The following MBD5 variants were observed in gnomAD, a reference collection of about 807,000 sequenced individuals.
The protein encoded by MBD5 is methyl-CpG binding domain protein 5.
Under a neutral mutation model 117.3 loss-of-function variants are expected in MBD5, and 13 were observed. The observed-to-expected ratio is 0.11, with a 90% CI of 0.07 to 0.18. MBD5 has a LOEUF of 0.18. Ranked by LOEUF, MBD5 falls within the 10% of genes least tolerant of loss-of-function variation. The pLI, the probability that MBD5 is intolerant of heterozygous loss-of-function variation, is 1.00. For missense variants in MBD5, 1,879 were observed against 2,093.8 expected, an observed-to-expected ratio of 0.90 and a Z score of 2.00; for synonymous variants, 727 against 766.4, an observed-to-expected ratio of 0.95 and a Z score of 0.85.
intron 2 of MBD5, among the ~76,000 whole-genome samples, chr2:148,216,865 C>T (rs1388362356): frequency 6.6e-6 from 1 of 152,184 alleles, no homozygotes; most frequent in African/African-American, 2.4e-5. Context: ...CCCAGCTGCA[C>T]ACTGGCACAC....
At chr2:148,382,168 T>A (rs1166574220) in intron 4 of MBD5, among the ~76,000 whole-genome samples, 2 of 109,802 alleles carry the variant, frequency 1.8e-5, no homozygotes, top group African/African-American at 3.3e-5. Flanking sequence ...ACTGGCAAAT[T>A]GGATAGTCAA....
At chr2:148,043,628 A>G (rs975064893) in intron 1 of MBD5, among the ~76,000 whole-genome samples, 2 of 152,266 alleles carry the variant, frequency 1.3e-5, no homozygotes, top group East Asian at 3.9e-4. Flanking sequence ...TTGGCCTAGA[A>G]GCAGGTTTTC....
intron 3 of MBD5, among the ~76,000 whole-genome samples, chr2:148,302,303 C>T (rs149715971): frequency 5.5e-4 from 83 of 152,288 alleles, no homozygotes; most frequent in Non-Finnish European, 9.1e-4. Context: ...TCCAAGTGAT[C>T]ACTGCCTCCA....
At chr2:148,399,017 T>C (rs1215897264) in intron 4 of MBD5, among the ~76,000 whole-genome samples, 2 of 152,232 alleles carry the variant, frequency 1.3e-5, no homozygotes, top group Non-Finnish European at 2.9e-5. Context: ...TCTATATCTC[T>C]GTTTTGGTAC....
chr2:148,162,892 A>C (rs1698042812), intron 1 of MBD5, among the ~76,000 whole-genome samples: 1 of 152,224 alleles, frequency 6.6e-6, no homozygotes, highest in Admixed American at 6.5e-5. Context: ...TAAGATCCTA[A>C]GACAGTAAAA....
intron 8 of MBD5, 62 bp downstream of exon 8, chr2:148,470,523 T>C: frequency 2.3e-6 from 3 of 1,300,156 alleles, no homozygotes; most frequent in South Asian, 2.9e-5. Flanking sequence ...TTTAAAAAAT[T>C]TGTACCAAAA....
chr2:148,448,400 C>T (rs185284824), intron 4 of MBD5, among the ~76,000 whole-genome samples: 56 of 151,940 alleles, frequency 3.7e-4, no homozygotes, highest in African/African-American at 1.2e-3. Flanking sequence ...TATTCAGACA[C>T]AGTGTATTTG....
chr2:148,401,858 T>C (rs1704933256), intron 4 of MBD5, among the ~76,000 whole-genome samples: 1 of 152,144 alleles, frequency 6.6e-6, no homozygotes, highest in Non-Finnish European at 1.5e-5. Flanking sequence ...TCCTCCAATC[T>C]GTTAGAATTC....
At chr2:148,215,544 G>GT (rs528055774) in intron 2 of MBD5, among the ~76,000 whole-genome samples, 7 of 151,490 alleles carry the variant, frequency 4.6e-5, no homozygotes, top group East Asian at 1.9e-4. Flanking sequence ...TGTGGGCGGG[G>GT]TTTTTTTTCG....
intron 1 of MBD5, among the ~76,000 whole-genome samples, chr2:148,066,416 CTAT>C (rs1264043437): frequency 6.6e-6 from 1 of 151,856 alleles, no homozygotes; most frequent in African/African-American, 2.4e-5. Flanking sequence ...TACTTCCTCA[CTAT>C]AGTATTTAGT....
intron 2 of MBD5, among the ~76,000 whole-genome samples, chr2:148,216,677 C>A (rs1699563844): frequency 6.6e-6 from 1 of 152,186 alleles, no homozygotes; most frequent in African/African-American, 2.4e-5. Flanking sequence ...CATTGTTAAT[C>A]TCCTTTTACA....
chr2:148,462,081 A>G (rs1181792792), intron 5 of MBD5, among the ~76,000 whole-genome samples: 1 of 152,200 alleles, frequency 6.6e-6, no homozygotes, highest in Admixed American at 6.6e-5. Context: ...TTACATAGGG[A>G]CAACTTGGTT....
chr2:148,071,567 C>A (rs1241195646), intron 1 of MBD5: 1 of 152,084 alleles, frequency 6.6e-6, no homozygotes, highest in South Asian at 2.1e-4. Flanking sequence ...TACATAAGAT[C>A]TCTCAGTGCT....
chr2:148,362,949 C>T (rs1037418039), intron 4 of MBD5, among the ~76,000 whole-genome samples: 1 of 152,088 alleles, frequency 6.6e-6, no homozygotes, highest in African/African-American at 2.4e-5. Context: ...TCAACATCAA[C>T]AAAAAGGAAA....
At chr2:148,237,723 G>A (rs777482731) in intron 3 of MBD5, among the ~76,000 whole-genome samples, 76 of 152,172 alleles carry the variant, frequency 5.0e-4, no homozygotes, top group Non-Finnish European at 8.2e-4. Flanking sequence ...AAACGGCACC[G>A]ATGGACTTGC....
At chr2:148,475,593 CCCAGTGTG>C (rs1680938397) in intron 8 of MBD5, among the ~76,000 whole-genome samples, 1 of 152,000 alleles carries the variant, frequency 6.6e-6, no homozygotes, top group Admixed American at 6.6e-5. Flanking sequence ...AATAAATTGT[CCCAGTGTG>C]CAAATTGGGA....
chr2:148,414,412 G>T (rs1181141719), intron 4 of MBD5, among the ~76,000 whole-genome samples: 1 of 152,166 alleles, frequency 6.6e-6, no homozygotes, highest in Non-Finnish European at 1.5e-5. Flanking sequence ...TTTGTGCCAT[G>T]TGCATATGAG....
At chr2:148,198,354 C>T (rs777308471) in intron 2 of MBD5, among the ~76,000 whole-genome samples, 28 of 152,126 alleles carry the variant, frequency 1.8e-4, no homozygotes, top group Non-Finnish European at 3.1e-4. Context: ...ACCTTTGTTT[C>T]TCAATGTCTC....
At chr2:148,446,871 C>A (rs1156422604) in intron 4 of MBD5, among the ~76,000 whole-genome samples, 1 of 151,856 alleles carries the variant, frequency 6.6e-6, no homozygotes, top group Non-Finnish European at 1.5e-5. Flanking sequence ...CTCAAGTATA[C>A]CTTTGAAAGA....
Sources: allele counts gnomAD v4.1 joint callset (sites outside exome capture counted in the v4.1 genomes callset), GRCh38; gene constraint gnomAD v4.1.1; transcripts MANE v1.5; gene names NCBI Gene and HGNC (gene_info 2026-07-23, HGNC 2026-07-21).